Variants in DCAF8L2 observed in about 807,000 individuals in gnomAD.
The protein encoded by DCAF8L2 is DDB1 and CUL4 associated factor 8 like 2.
For synonymous variants in DCAF8L2, 200 were observed against 190.9 expected, an observed-to-expected ratio of 1.05 and a Z score of -0.39; for missense variants, 430 against 490.7, an observed-to-expected ratio of 0.88 and a Z score of 1.17.
the DCAF8L2 span, among the ~76,000 whole-genome samples, chrX:27,470,536 T>C: frequency 2.7e-5 from 3 of 112,365 alleles, no homozygotes; most frequent in East Asian, 2.8e-4. Context: ...TTTCAGGCCA[T>C]GTGAACATAA....
chrX:27,570,350 G>A, the DCAF8L2 span, among the ~76,000 whole-genome samples: 1 of 111,679 alleles, frequency 9.0e-6, no homozygotes, highest in Non-Finnish European at 1.9e-5. Flanking sequence ...AAGAATGAAA[G>A]AAAGATCAGT....
At chrX:27,666,064 T>G (rs1271711584) in intron 2 of DCAF8L2, among the ~76,000 whole-genome samples, 2 of 111,914 alleles carry the variant, frequency 1.8e-5, no homozygotes, top group African/African-American at 6.5e-5. Flanking sequence ...TTCCAAATAA[T>G]TAAATAGTAA....
the DCAF8L2 span, among the ~76,000 whole-genome samples, chrX:27,550,897 T>C: frequency 9.0e-6 from 1 of 111,548 alleles, no homozygotes; most frequent in Non-Finnish European, 1.9e-5. Context: ...TCCAATATTA[T>C]GTGCTCACTT....
the DCAF8L2 span, among the ~76,000 whole-genome samples, chrX:27,510,488 A>AATAT: frequency 6.2e-3 from 644 of 104,064 alleles, 9 homozygotes; most frequent in African/African-American, 0.021. Context: ...AACAAAGAGA[A>AATAT]ATATATATAT....
the DCAF8L2 span, among the ~76,000 whole-genome samples, chrX:27,549,340 T>C: frequency 1.4e-4 from 16 of 111,098 alleles, no homozygotes; most frequent in African/African-American, 5.2e-4. Flanking sequence ...ACAAGTACAT[T>C]GAAAGTATTT....
chrX:27,650,196 TG>T (rs1273540505), intron 2 of DCAF8L2, among the ~76,000 whole-genome samples: 1 of 111,466 alleles, frequency 9.0e-6, no homozygotes, highest in Non-Finnish European at 1.9e-5. Context: ...TGATTACTGT[TG>T]TTCTGTAGTA....
intron 2 of DCAF8L2, among the ~76,000 whole-genome samples, chrX:27,647,786 C>T (rs1481233068): frequency 9.0e-6 from 1 of 111,077 alleles, no homozygotes; most frequent in Non-Finnish European, 1.9e-5. Flanking sequence ...AAACAAACCT[C>T]CTGTCAGAGG....
chrX:27,519,867 T>A, the DCAF8L2 span: 1 of 297,752 alleles, frequency 3.4e-6, no homozygotes, highest in Admixed American at 5.8e-5. Context: ...TGTGAATAAA[T>A]TTTTTCTTAT....
chrX:27,607,999 A>G (rs1419133911), intron 1 of DCAF8L2, among the ~76,000 whole-genome samples: 2 of 111,911 alleles, frequency 1.8e-5, no homozygotes, highest in African/African-American at 6.5e-5. Context: ...TTAATATGTA[A>G]TAATATGACT....
At chrX:27,712,141 G>A (rs185215590) in intron 3 of DCAF8L2, among the ~76,000 whole-genome samples, 2 of 111,046 alleles carry the variant, frequency 1.8e-5, no homozygotes, top group East Asian at 2.8e-4. Flanking sequence ...TCCAAGAACC[G>A]GATTTTGGCA....
intron 3 of DCAF8L2, among the ~76,000 whole-genome samples, 175 bp from the exon 4 acceptor site, chrX:27,715,913 A>G (rs1002440096): frequency 9.8e-5 from 11 of 112,347 alleles, no homozygotes; most frequent in African/African-American, 3.6e-4. Flanking sequence ...AGCTTTTAAC[A>G]TTATTATTGT....
intron 3 of DCAF8L2, among the ~76,000 whole-genome samples, chrX:27,704,183 C>CACACACACACACATAT (rs1569187007): frequency 1.3e-5 from 1 of 74,575 alleles, no homozygotes; most frequent in African/African-American, 9.7e-5. Flanking sequence ...TACATATACA[C>CACACACACACACATAT]ACACACATAT....
chrX:27,491,479 G>A, the DCAF8L2 span, among the ~76,000 whole-genome samples: 1 of 112,147 alleles, frequency 8.9e-6, no homozygotes, highest in African/African-American at 3.2e-5. Flanking sequence ...GTAAATGAGT[G>A]TAGTCTTGTA....
At chrX:27,658,782 T>C (rs748375678) in intron 2 of DCAF8L2, among the ~76,000 whole-genome samples, 1 of 112,384 alleles carries the variant, frequency 8.9e-6, no homozygotes, top group Non-Finnish European at 1.9e-5. Context: ...ATGACCTTGG[T>C]CAAGTTATTT....
intron 2 of DCAF8L2, among the ~76,000 whole-genome samples, chrX:27,665,915 A>G (rs1002338121): frequency 2.7e-5 from 3 of 112,092 alleles, no homozygotes; most frequent in African/African-American, 9.7e-5. Flanking sequence ...TTTTATATGC[A>G]CTGGAAAGCC....
At chrX:27,595,767 G>T (rs2147112751) in intron 1 of DCAF8L2, among the ~76,000 whole-genome samples, 1 of 112,172 alleles carries the variant, frequency 8.9e-6, no homozygotes, top group East Asian at 2.8e-4. Context: ...CAGCATGTTG[G>T]GAGGCTGAGG....
At chrX:27,597,748 T>C (rs965803113) in intron 1 of DCAF8L2, among the ~76,000 whole-genome samples, 6 of 112,084 alleles carry the variant, frequency 5.4e-5, no homozygotes, top group Admixed American at 9.5e-5. Flanking sequence ...CTGTGGTAAA[T>C]AGTTTAGCAA....
chrX:27,597,737 A>G (rs1018582209), intron 1 of DCAF8L2, among the ~76,000 whole-genome samples: 13 of 112,110 alleles, frequency 1.2e-4, no homozygotes, highest in African/African-American at 4.2e-4. Context: ...GCAATATATC[A>G]CTGTGGTAAA....
the DCAF8L2 span, among the ~76,000 whole-genome samples, chrX:27,524,785 G>T: frequency 1.8e-5 from 2 of 111,494 alleles, no homozygotes; most frequent in Non-Finnish European, 3.8e-5. Context: ...ATTTCGTTAT[G>T]TACCCAGTAG....
Sources: gnomAD v4.1 joint callset for allele counts (sites outside exome capture counted in the v4.1 genomes callset) on GRCh38, gnomAD v4.1.1 for gene constraint, MANE v1.5 for transcripts, NCBI Gene and HGNC (gene_info 2026-07-23, HGNC 2026-07-21) for gene names.